TRPM3: variants seen among roughly 807,000 people sequenced by gnomAD.
TRPM3 encodes transient receptor potential cation channel subfamily M member 3, also known as long transient receptor potential channel 3.
TRPM3 carries 77 observed loss-of-function variants against 181.2 expected under a neutral mutation model. That is an observed-to-expected ratio of 0.42 (90% confidence interval 0.35 to 0.51). TRPM3 has a LOEUF of 0.51. Among genes scored for constraint, TRPM3 ranks in the 20% least tolerant of loss-of-function variants. The pLI is 0.01. For missense variants in TRPM3, 1,759 were observed against 2,196.7 expected, an observed-to-expected ratio of 0.80 and a Z score of 3.98; for synonymous variants, 745 against 796.4, an observed-to-expected ratio of 0.94 and a Z score of 1.09.
At chr9:71,407,131 C>T (rs767307314) in intron 1 of TRPM3, among the ~76,000 whole-genome samples, 1 of 152,128 alleles carries the variant, frequency 6.6e-6, no homozygotes, top group Non-Finnish European at 1.5e-5. Flanking sequence ...CGAATAGGAA[C>T]AGCTCCAGTC....
intron 1 of TRPM3, among the ~76,000 whole-genome samples, chr9:71,035,353 A>C (rs2058055724): frequency 1.3e-5 from 2 of 152,234 alleles, no homozygotes; most frequent in African/African-American, 4.8e-5. Flanking sequence ...TTAGAGACTT[A>C]ACATATGTTA....
intron 10 of TRPM3, among the ~76,000 whole-genome samples, chr9:70,639,468 G>A (rs968535875): frequency 4.6e-5 from 7 of 152,120 alleles, no homozygotes; most frequent in African/African-American, 1.7e-4. Context: ...ATCCCAAGAA[G>A]GTGCAAGGGT....
intron 1 of TRPM3, among the ~76,000 whole-genome samples, chr9:71,221,198 T>C (rs1365263872): frequency 6.6e-6 from 1 of 152,260 alleles, no homozygotes; most frequent in African/African-American, 2.4e-5. Context: ...TTCCCTGTTC[T>C]GTTCTACTCT....
At chr9:71,033,762 T>C (rs1204013987) in intron 1 of TRPM3, among the ~76,000 whole-genome samples, 1 of 152,326 alleles carries the variant, frequency 6.6e-6, no homozygotes, top group Non-Finnish European at 1.5e-5. Flanking sequence ...TATCATATAC[T>C]TGATGAATTT....
chr9:71,310,474 G>C (rs923640475), intron 1 of TRPM3, among the ~76,000 whole-genome samples: 1 of 152,014 alleles, frequency 6.6e-6, no homozygotes, highest in African/African-American at 2.4e-5. Flanking sequence ...AATCTCTGGA[G>C]GGGCAAAGGG....
chr9:71,198,233 A>C (rs966969821), intron 1 of TRPM3, among the ~76,000 whole-genome samples: 8 of 151,956 alleles, frequency 5.3e-5, no homozygotes, highest in South Asian at 2.1e-4. Flanking sequence ...TGATCAATAT[A>C]TCTGTTTTGG....
intron 1 of TRPM3, among the ~76,000 whole-genome samples, chr9:70,998,250 CAT>C (rs1276352872): frequency 8.5e-5 from 11 of 129,394 alleles, no homozygotes; most frequent in African/African-American, 2.8e-4. Context: ...CACACACACA[CAT>C]ATATATATAT....
chr9:70,792,415 C>T (rs755443049), intron 6 of TRPM3, among the ~76,000 whole-genome samples: 1 of 150,392 alleles, frequency 6.6e-6, no homozygotes, highest in East Asian at 1.9e-4. Context: ...GATCACATGG[C>T]CCCAGGAAGA....
chr9:71,317,678 T>TAC (rs57633307), intron 1 of TRPM3, among the ~76,000 whole-genome samples: 125 of 148,964 alleles, frequency 8.4e-4, no homozygotes, highest in African/African-American at 2.6e-3. Flanking sequence ...TATATATATA[T>TAC]ACACACACAC....
At position 71,276,136 on chromosome 9, in the gene TRPM3, C is replaced by T. The variant is rs990386949; in HGVS notation, c.183+170517G>A. 4.3e-4 allele frequency among the ~76,000 whole-genome samples: 65 copies of T among 152,170 alleles called. 1 individual carries two copies. The highest frequency in any genetic ancestry group is 5.9e-4 in the Non-Finnish European group (40 of 68,010). On this transcript the variant is annotated intron_variant, in intron 1 of 24. Transcript: ENST00000357533. ...GATTACAGGCATGAGCCACTGCACC[C>T]GGCTGAAAGAATGAACTTTTACAAA...
At chr9:71,331,151 T>C (rs55759911) in intron 1 of TRPM3, among the ~76,000 whole-genome samples, 7,840 of 151,990 alleles carry the variant, frequency 0.052, 362 homozygotes, top group South Asian at 0.077. Context: ...ATCATAAATG[T>C]GTGTTAATTA....
chr9:71,312,958 C>G (rs192491889), intron 1 of TRPM3, among the ~76,000 whole-genome samples: 3 of 152,054 alleles, frequency 2.0e-5, no homozygotes, highest in African/African-American at 7.2e-5. Context: ...CTGTATAGTA[C>G]TACAATGGGA....
rs148138012 is a variant in TRPM3, at chr9:71,101,442, G to A, written c.177+19736C>T. On this transcript the variant is annotated intron_variant, in intron 1 of 25. Transcript: ENST00000677713. ...ATTATTAAGACTGTTTCTAATGACC[G>A]AAGGGAAGGCTGAATTTTGTGTGTA... Among the ~76,000 whole-genome samples, 277 of 152,232 alleles carry A rather than the reference G, an allele frequency of 1.8e-3. 6 individuals carry two copies. The East Asian group carries it at 0.045, about 25-fold the overall frequency.
intron 9 of TRPM3, among the ~76,000 whole-genome samples, chr9:70,650,163 G>T (rs1357601402): frequency 1.3e-5 from 2 of 152,150 alleles, no homozygotes; most frequent in African/African-American, 4.8e-5. Flanking sequence ...CTTGAGGGTG[G>T]AGGGTGGGAG....
chr9:70,864,472 C>T lies in TRPM3; in HGVS notation c.217G>A (p.Glu73Lys). 6.9e-7 allele frequency: 1 copy of T among 1,448,412 alleles called. No homozygotes were observed. Among genetic ancestry groups the T allele is most frequent in the Non-Finnish European group, 9.0e-7 (1 of 1,106,048 alleles). The allele number at this position is 1,448,412 out of a possible 1,614,324, so 89.7% of individuals were successfully genotyped here. A position where few individuals can be genotyped will look rare whatever the true frequency, so the allele number is the denominator to read the frequency against. Residue 73 changes from glutamate (E) to lysine (K), a missense_variant, in exon 2 of 26, where the codon GAA becomes AAA. By Grantham distance (56) the Glu-to-Lys change is moderately conservative (BLOSUM62 1). Transcript: ENST00000677713. ...GTGCTGGGTATGATGTGGACACATTCTCTTTTATAAAATGCTCTTTCTATC... is the reference window on the plus strand; with the variant it reads ...GTGCTGGGTATGATGTGGACACATTTTCTTTTATAAAATGCTCTTTCTATC... ...SWIERAFYKR[E>K]CVHIIPSTKD...
At chr9:71,146,604 C>A (rs1762673369) in intron 1 of TRPM3, among the ~76,000 whole-genome samples, 2 of 152,096 alleles carry the variant, frequency 1.3e-5, no homozygotes, top group Non-Finnish European at 2.9e-5. Flanking sequence ...TTTGTCCTAA[C>A]ATACATCCTT....
At position 70,535,567 on chromosome 9, in the gene TRPM3, T is replaced by C; in HGVS notation, c.*386A>G. On this transcript the variant is annotated 3_prime_UTR_variant, in exon 26 of 26. Coordinates refer to ENST00000677713, the MANE Select transcript of TRPM3 (RefSeq NM_001366145.2). ...TATTTTGCAATTTAGCCCTGCATCC[T>C]ACAACTCTTGATAATGGTCAGAAAT... 2 of 1,528,020 alleles carry C rather than the reference T, an allele frequency of 1.3e-6. No homozygotes were observed. Among genetic ancestry groups the C allele is most frequent in the Non-Finnish European group, 1.8e-6 (2 of 1,139,802 alleles). The allele number at this position is 1,528,020 out of a possible 1,614,324, so 94.7% of individuals were successfully genotyped here.
intron 8 of TRPM3, among the ~76,000 whole-genome samples, chr9:70,697,146 G>A (rs1165880066): frequency 1.3e-5 from 2 of 152,148 alleles, no homozygotes; most frequent in Non-Finnish European, 2.9e-5. Flanking sequence ...CTGCAAACCA[G>A]CTTGACAAAT....
At chr9:71,359,097 G>A (rs2092029403) in intron 1 of TRPM3, among the ~76,000 whole-genome samples, 1 of 152,154 alleles carries the variant, frequency 6.6e-6, no homozygotes, top group Non-Finnish European at 1.5e-5. Flanking sequence ...GAACTAGGTG[G>A]GCAAGATTAA....
Sources: gnomAD v4.1 joint callset for allele counts (sites outside exome capture counted in the v4.1 genomes callset) on GRCh38, gnomAD v4.1.1 for gene constraint, MANE v1.5 for transcripts, NCBI Gene and HGNC (gene_info 2026-07-23, HGNC 2026-07-21) for gene names.